Variants in CENPW observed in about 807,000 individuals in gnomAD.
CENPW encodes centromere protein W, also known as cancer-up-regulated gene 2 protein.
A neutral mutation model predicts 11.1 loss-of-function variants in CENPW; 3 were observed. That is an observed-to-expected ratio of 0.27 (90% CI 0.12 to 0.70). The LOEUF is 0.70. CENPW is among the 30% of genes least tolerant of loss of function. CENPW has a pLI of 0.77. For synonymous variants in CENPW, 38 were observed against 42.0 expected, an observed-to-expected ratio of 0.91 and a Z score of 0.37; for missense variants, 100 against 105.6, an observed-to-expected ratio of 0.95 and a Z score of 0.23.
the CENPW span, among the ~76,000 whole-genome samples, chr6:126,466,057 A>G: frequency 6.6e-6 from 1 of 152,140 alleles, no homozygotes; most frequent in South Asian, 2.1e-4. Flanking sequence ...GAGGATGTTT[A>G]AAGATGGCAA....
At chr6:126,474,402 T>G in the CENPW span, among the ~76,000 whole-genome samples, 20 of 152,156 alleles carry the variant, frequency 1.3e-4, no homozygotes, top group African/African-American at 4.8e-4. Context: ...AGAGAGGGCT[T>G]GAACCAATTA....
the CENPW span, among the ~76,000 whole-genome samples, chr6:126,422,832 G>A: frequency 1.3e-5 from 2 of 152,032 alleles, no homozygotes; most frequent in African/African-American, 4.8e-5. Context: ...CCCCTTTTAA[G>A]TTAGGTACTT....
chr6:126,341,830 G>A (rs147570085), intron 1 of CENPW, among the ~76,000 whole-genome samples: 118 of 152,306 alleles, frequency 7.7e-4, no homozygotes, highest in African/African-American at 2.6e-3. Context: ...AAATTCCTCA[G>A]GTAGTCAGCA....
chr6:126,378,579 T>G, the CENPW span, among the ~76,000 whole-genome samples: 1 of 152,114 alleles, frequency 6.6e-6, no homozygotes, highest in Non-Finnish European at 1.5e-5. Flanking sequence ...GTAAGATACT[T>G]TATCATACTG....
the CENPW span, among the ~76,000 whole-genome samples, chr6:126,373,040 T>G: frequency 1.0e-3 from 153 of 152,320 alleles, 1 homozygote; most frequent in East Asian, 3.7e-3. Flanking sequence ...TATATTATAG[T>G]TGAATAACTG....
At chr6:126,449,048 G>A in the CENPW span, among the ~76,000 whole-genome samples, 2 of 151,028 alleles carry the variant, frequency 1.3e-5, no homozygotes, top group Non-Finnish European at 3.0e-5. Context: ...GTCAACTGAT[G>A]CCATGTTGTC....
the CENPW span, among the ~76,000 whole-genome samples, chr6:126,392,076 T>C: frequency 6.6e-6 from 1 of 151,996 alleles, no homozygotes; most frequent in Non-Finnish European, 1.5e-5. Flanking sequence ...ATGGAAATTT[T>C]AACAACATTG....
At chr6:126,476,603 C>G in the CENPW span, among the ~76,000 whole-genome samples, 5 of 151,966 alleles carry the variant, frequency 3.3e-5, no homozygotes, top group Non-Finnish European at 7.4e-5. Flanking sequence ...AACCCTATTT[C>G]TATTCCCAAA....
At chr6:126,437,572 A>C in the CENPW span, among the ~76,000 whole-genome samples, 3 of 151,952 alleles carry the variant, frequency 2.0e-5, no homozygotes, top group East Asian at 5.8e-4. Flanking sequence ...TTTTGTCTAC[A>C]AATGGAAATA....
At chr6:126,419,196 C>T in the CENPW span, among the ~76,000 whole-genome samples, 1 of 152,074 alleles carries the variant, frequency 6.6e-6, no homozygotes, top group Non-Finnish European at 1.5e-5. Flanking sequence ...GGTGCTGACT[C>T]AGGATGAGAA....
the CENPW span, among the ~76,000 whole-genome samples, chr6:126,410,768 G>T: frequency 6.6e-6 from 1 of 151,708 alleles, no homozygotes; most frequent in East Asian, 1.9e-4. Context: ...TAAGTTTGCT[G>T]TTGGGGCTTT....
the CENPW span, among the ~76,000 whole-genome samples, chr6:126,373,852 G>T: frequency 6.6e-6 from 1 of 152,192 alleles, no homozygotes; most frequent in Non-Finnish European, 1.5e-5. Flanking sequence ...TGGGGAGTGG[G>T]ATAGAATAAG....
the CENPW span, among the ~76,000 whole-genome samples, chr6:126,461,550 C>A: frequency 6.6e-6 from 1 of 151,980 alleles, no homozygotes; most frequent in Middle Eastern, 3.4e-3. Flanking sequence ...CAGTTGTGAC[C>A]ATGTGCAATT....
At chr6:126,421,276 C>T in the CENPW span, among the ~76,000 whole-genome samples, 1 of 152,106 alleles carries the variant, frequency 6.6e-6, no homozygotes, top group Non-Finnish European at 1.5e-5. Context: ...TCCTTTTAAA[C>T]TCATATTATG....
the CENPW span, among the ~76,000 whole-genome samples, chr6:126,381,066 G>A: frequency 6.6e-6 from 1 of 152,148 alleles, no homozygotes; most frequent in Non-Finnish European, 1.5e-5. Context: ...TTCCCCAGGT[G>A]ATGTCTAACT....
intron 1 of CENPW, among the ~76,000 whole-genome samples, chr6:126,343,745 T>G (rs966331819): frequency 6.6e-6 from 1 of 152,204 alleles, no homozygotes; most frequent in African/African-American, 2.4e-5. Flanking sequence ...TACTTTCACA[T>G]TCTTCTGCCT....
At chr6:126,425,958 T>C in the CENPW span, among the ~76,000 whole-genome samples, 1 of 152,032 alleles carries the variant, frequency 6.6e-6, no homozygotes, top group African/African-American at 2.4e-5. Context: ...TTACCTTATG[T>C]ATTACAAAAA....
chr6:126,351,054 T>A (rs1269988114), downstream of CENPW, among the ~76,000 whole-genome samples: 1 of 151,760 alleles, frequency 6.6e-6, no homozygotes, highest in African/African-American at 2.4e-5. Context: ...TTTTTAATGA[T>A]GTTTTCCCCA....
chr6:126,448,924 A>G, the CENPW span, among the ~76,000 whole-genome samples: 1 of 151,170 alleles, frequency 6.6e-6, no homozygotes, highest in Non-Finnish European at 1.5e-5. Context: ...TAAATATTCA[A>G]ACTGAATATT....
Sources: gnomAD v4.1 joint callset for allele counts (sites outside exome capture counted in the v4.1 genomes callset) on GRCh38, gnomAD v4.1.1 for gene constraint, MANE v1.5 for transcripts, NCBI Gene and HGNC (gene_info 2026-07-23, HGNC 2026-07-21) for gene names.